Variants in CSNK1A1 observed in about 807,000 individuals in gnomAD.
The protein encoded by CSNK1A1 is casein kinase I isoform alpha.
Under a neutral mutation model 46.1 loss-of-function variants are expected in CSNK1A1, and 7 were observed. The observed-to-expected ratio is 0.15, with a 90% CI of 0.09 to 0.29. The LOEUF is 0.29. Ranked by LOEUF, CSNK1A1 falls within the 10% of genes least tolerant of loss-of-function variation. CSNK1A1 has a pLI of 1.00. For synonymous variants in CSNK1A1, 137 were observed against 141.5 expected (o/e 0.97, Z 0.23); for missense variants, 96 against 417.1 (o/e 0.23, Z 6.71).
chr5:149,503,103 T>G (rs1478834199), intron 9 of CSNK1A1: 1 of 985,328 alleles, frequency 1.0e-6, no homozygotes, highest in Admixed American at 6.1e-5. Flanking sequence ...ATAGTGGACC[T>G]TAAGAGACTA....
chr5:149,502,727 G>A (rs181893028), intron 9 of CSNK1A1: 6 of 983,308 alleles, frequency 6.1e-6, no homozygotes, highest in East Asian at 1.2e-4. Context: ...TTATTAAAAC[G>A]ATTTATTATT....
At chr5:149,506,588 A>G (rs1215166595) in intron 8 of CSNK1A1, among the ~76,000 whole-genome samples, 2 of 152,044 alleles carry the variant, frequency 1.3e-5, no homozygotes, top group Non-Finnish European at 2.9e-5. Context: ...GCCACATGTA[A>G]TCTATTCCCC....
In CSNK1A1 at chr5:149,550,318, TA is replaced by T. The variant is rs1762615003; in HGVS notation, c.124-138del. On this transcript the variant is annotated intron_variant, in intron 1 of 9. Transcript: ENST00000377843. The surrounding 1 kb of genome is among the most constrained non-coding windows in gnomAD (Gnocchi z 4.3). ...AAAGCTGGAAAGAGAAAGCTCTCGG[TA>T]ATTATAAAACGAGGCAACCAGCCTC... 1 of 1,455,654 alleles carries T rather than the reference TA, an allele frequency of 6.9e-7. No individual in the cohort carries two copies. Among genetic ancestry groups the T allele is most frequent in the Admixed American group, 2.7e-5 (1 of 36,926 alleles). The allele number at this position is 1,455,654 out of a possible 1,614,324, so 90.2% of individuals were successfully genotyped here.
intron 2 of CSNK1A1, among the ~76,000 whole-genome samples, chr5:149,546,853 C>T (rs1048811802): frequency 3.3e-5 from 5 of 151,942 alleles, no homozygotes; most frequent in African/African-American, 4.8e-5. Context: ...AAGTATGTAC[C>T]ATGTATAGGT....
intron 2 of CSNK1A1, among the ~76,000 whole-genome samples, chr5:149,542,664 ATATATATGTATATATATATATATATATAT>A (rs1762330501): frequency 2.8e-4 from 2 of 7,156 alleles, no homozygotes; most frequent in African/African-American, 7.0e-4. Context: ...ATATATATAT[ATATATATGTATATATATATATATATATAT>A]TTTTTTTTTT....
At chr5:149,500,198 C>T (rs35538356) in intron 9 of CSNK1A1, among the ~76,000 whole-genome samples, 35,817 of 143,146 alleles carry the variant, frequency 0.25, 4,819 homozygotes, top group Admixed American at 0.41. Context: ...AGTGCAGTGG[C>T]GCGATCTTGG....
At chr5:149,526,433 C>T (rs950768880) in intron 2 of CSNK1A1, among the ~76,000 whole-genome samples, 7 of 152,176 alleles carry the variant, frequency 4.6e-5, no homozygotes, top group African/African-American at 1.4e-4. Context: ...TCCCAAAGCA[C>T]TGGGATTACA....
At chr5:149,528,214 CAT>C (rs901727804) in intron 2 of CSNK1A1, among the ~76,000 whole-genome samples, 2 of 152,092 alleles carry the variant, frequency 1.3e-5, no homozygotes, top group Admixed American at 1.3e-4. Flanking sequence ...GAACACAAGA[CAT>C]ATTCACTATT....
At chr5:149,513,361 C>A (rs768326295) in intron 4 of CSNK1A1, 152 bp from the exon 5 acceptor site, 2 of 668,260 alleles carry the variant, frequency 3.0e-6, no homozygotes, top group East Asian at 3.0e-5. Flanking sequence ...AGACTTAACA[C>A]CCCCCCATAA....
At chr5:149,516,268 G>A (rs972318546) in intron 4 of CSNK1A1, among the ~76,000 whole-genome samples, 3 of 151,920 alleles carry the variant, frequency 2.0e-5, no homozygotes, top group Non-Finnish European at 4.4e-5. Context: ...AGTGGGCCAA[G>A]ATCGCACCAC....
intron 2 of CSNK1A1, among the ~76,000 whole-genome samples, chr5:149,538,424 T>C (rs1561770002): frequency 6.6e-6 from 1 of 152,200 alleles, no homozygotes; most frequent in Non-Finnish European, 1.5e-5. Flanking sequence ...GTACAAGGTG[T>C]TGTATGTTAA....
At chr5:149,513,246 C>T (rs758301729) in intron 4 of CSNK1A1, 37 bp from the exon 5 acceptor site, 1 of 1,583,518 alleles carries the variant, frequency 6.3e-7, no homozygotes, top group South Asian at 1.1e-5. Context: ...AGGTTTCCAA[C>T]CTTGTTCAAT....
In CSNK1A1 at chr5:149,550,032, C is replaced by T. The variant is rs372940787; in HGVS notation, c.230+43G>A. 21 of 1,590,892 alleles carry T rather than the reference C, an allele frequency of 1.3e-5. No homozygotes were observed. The highest frequency in any genetic ancestry group is 1.7e-5 in the Non-Finnish European group (20 of 1,166,054). ...CCTGCCTCTACCCACTTCCCCATTC[C>T]GTGCTTCCCTCAGCGGATCGCCTAT... On this transcript the variant is annotated intron_variant, in intron 2 of 9. Coordinates refer to ENST00000377843, the MANE Select transcript of CSNK1A1 (RefSeq NM_001892.6). The surrounding 1 kb of genome is among the most constrained non-coding windows in gnomAD (Gnocchi z 4.3).
chr5:149,517,169 T>C lies in CSNK1A1; in HGVS notation c.456+3121A>G, dbSNP rs562504648. 9.8e-5 allele frequency among the ~76,000 whole-genome samples: 15 copies of C among 152,350 alleles called. No individual in the cohort carries two copies. Among genetic ancestry groups the C allele is most frequent in the African/African-American group, 3.4e-4 (14 of 41,588 alleles). On this transcript the variant is annotated intron_variant, in intron 4 of 9. Transcript: ENST00000377843. This position sits in a 1 kb window ranked among gnomAD's most constrained non-coding sequence, Gnocchi z 4.4. ...GTATTACTAATGGTAATCTACCATA[T>C]AACTTGATAAGTGCTTAAGCTATGT...
intron 3 of CSNK1A1, among the ~76,000 whole-genome samples, chr5:149,523,866 T>C (rs1235258862): frequency 6.6e-6 from 1 of 152,228 alleles, no homozygotes; most frequent in Non-Finnish European, 1.5e-5. Context: ...GATAAGCTAT[T>C]GTTAACTATA....
chr5:149,540,194 G>C (rs1762185182), intron 2 of CSNK1A1, among the ~76,000 whole-genome samples: 1 of 152,104 alleles, frequency 6.6e-6, no homozygotes, highest in Non-Finnish European at 1.5e-5. Flanking sequence ...AGTAAGAACT[G>C]ACTTTACAAA....
intron 4 of CSNK1A1, among the ~76,000 whole-genome samples, chr5:149,516,272 G>A (rs758263273): frequency 6.6e-6 from 1 of 151,700 alleles, no homozygotes; most frequent in African/African-American, 2.4e-5. Context: ...GGCCAAGATC[G>A]CACCACTGCA....
Position 149,551,221 on chromosome 5 carries a change from G to A in CSNK1A1, c.-257C>T. 6.0e-6 allele frequency: 2 copies of A among 334,068 alleles called. No homozygotes were observed. Among genetic ancestry groups the A allele is most frequent in the South Asian group, 4.9e-5 (1 of 20,208 alleles). The allele number at this position is 334,068 out of a possible 1,614,324, so 20.7% of individuals were successfully genotyped here. A position where few individuals can be genotyped will look rare whatever the true frequency, so the allele number is the denominator to read the frequency against. ...TACCAGGCTGGGCCACTTGTTTCTCGGCGGCCGCCGCTGCCTCGCTTGCGC... is the reference window on the plus strand; with the variant it reads ...TACCAGGCTGGGCCACTTGTTTCTCAGCGGCCGCCGCTGCCTCGCTTGCGC... On this transcript the variant is annotated 5_prime_UTR_variant, in exon 1 of 10. Transcript: ENST00000377843.
intron 2 of CSNK1A1, among the ~76,000 whole-genome samples, chr5:149,544,214 A>G (rs1182666243): frequency 6.6e-6 from 1 of 152,192 alleles, no homozygotes; most frequent in Non-Finnish European, 1.5e-5. Context: ...TCCCATTAGA[A>G]CAATCCTTTT....
Sources: gnomAD v4.1 joint callset for allele counts (sites outside exome capture counted in the v4.1 genomes callset) on GRCh38, gnomAD v4.1.1 for gene constraint, Gnocchi (gnomAD v3.1) non-coding constraint, MANE v1.5 for transcripts, NCBI Gene and HGNC (gene_info 2026-07-23, HGNC 2026-07-21) for gene names.